Variants in RBPJ observed in about 807,000 individuals in gnomAD.
The protein encoded by RBPJ is recombination signal binding protein for immunoglobulin kappa J region.
RBPJ carries 9 observed loss-of-function variants against 67.8 expected under a neutral mutation model. The ratio of observed to expected loss-of-function variants is 0.13; its 90% CI spans 0.08 to 0.23. RBPJ has a LOEUF of 0.23. RBPJ is among the 10% of genes least tolerant of loss of function. The pLI, the probability that RBPJ is intolerant of heterozygous loss-of-function variation, is 1.00. For synonymous variants in RBPJ, 198 were observed against 203.3 expected, an observed-to-expected ratio of 0.97 and a Z score of 0.22; for missense variants, 305 against 595.6, an observed-to-expected ratio of 0.51 and a Z score of 5.08.
chr4:26,410,729 C>T (rs1246423725), intron 3 of RBPJ, among the ~76,000 whole-genome samples: 1 of 152,150 alleles, frequency 6.6e-6, no homozygotes, highest in East Asian at 1.9e-4. Context: ...TCTGTTTAAC[C>T]TAATTTATTT....
chr4:26,320,640 C>T (rs933572860), upstream of RBPJ: 27 of 1,279,332 alleles, frequency 2.1e-5, 1 homozygote, highest in East Asian at 5.3e-5. Context: ...TTCTCCTCGG[C>T]CCCGCCTCCT....
chr4:26,244,190 T>C lies in RBPJ; in HGVS notation c.-167+80576T>C, dbSNP rs1284924256. ...ATATGTATACACATATATGTATACA[T>C]ATATGTGTCTATATATGTATACACA... On this transcript the variant is annotated intron_variant, in intron 1 of 4. Coordinates refer to the RBPJ transcript ENST00000512351. Among the ~76,000 whole-genome samples the C allele has an allele frequency of 3.9e-3, 530 of 137,540 alleles. 14 individuals are homozygous for C. Among genetic ancestry groups the C allele is most frequent in the African/African-American group, 0.014 (504 of 36,044 alleles). The allele number at this position is 137,540 out of a possible 152,430, so 90.2% of individuals were successfully genotyped here. A position where few individuals can be genotyped will look rare whatever the true frequency, so the allele number is the denominator to read the frequency against.
intron 2 of RBPJ, among the ~76,000 whole-genome samples, chr4:26,396,165 T>G (rs1220905031): frequency 6.6e-6 from 1 of 152,236 alleles, no homozygotes; most frequent in Non-Finnish European, 1.5e-5. Context: ...TAGGTAAATG[T>G]AAAATGAATT....
intron 1 of RBPJ, among the ~76,000 whole-genome samples, chr4:26,330,524 AAC>A (rs1339242209): frequency 6.6e-6 from 1 of 152,196 alleles, no homozygotes; most frequent in African/African-American, 2.4e-5. Context: ...TGGAATATGA[AAC>A]ACATATCATA....
intron 1 of RBPJ, among the ~76,000 whole-genome samples, chr4:26,181,602 C>G (rs1338568202): frequency 6.6e-6 from 1 of 152,150 alleles, no homozygotes; most frequent in African/African-American, 2.4e-5. Context: ...AGTGTACTTA[C>G]ACAAACCTAG....
the RBPJ span, among the ~76,000 whole-genome samples, chr4:26,156,707 G>A: frequency 9.9e-5 from 15 of 151,784 alleles, no homozygotes; most frequent in African/African-American, 2.7e-4. Flanking sequence ...CATCCACGTC[G>A]GCCTCCCAAA....
chr4:26,258,223 G>A (rs949683212), intron 1 of RBPJ, among the ~76,000 whole-genome samples: 6 of 152,172 alleles, frequency 3.9e-5, no homozygotes, highest in African/African-American at 9.7e-5. Flanking sequence ...TGGCATCTCT[G>A]CTTATTTCCT....
At chr4:26,135,676 T>C in the RBPJ span, among the ~76,000 whole-genome samples, 4 of 152,100 alleles carry the variant, frequency 2.6e-5, no homozygotes, top group East Asian at 7.7e-4. Context: ...TGGCTAGGTA[T>C]TGAGGAAGAA....
At chr4:26,205,296 A>G (rs1275574806) in intron 1 of RBPJ, among the ~76,000 whole-genome samples, 1 of 152,162 alleles carries the variant, frequency 6.6e-6, no homozygotes, top group Non-Finnish European at 1.5e-5. Context: ...AGTATAGGAC[A>G]TTGCCTCACC....
chr4:26,115,546 A>G, the RBPJ span, among the ~76,000 whole-genome samples: 2 of 152,082 alleles, frequency 1.3e-5, no homozygotes, highest in African/African-American at 2.4e-5. Flanking sequence ...CACCACGTCC[A>G]GCTAATTTTT....
intron 1 of RBPJ, among the ~76,000 whole-genome samples, chr4:26,198,279 A>G (rs1236616961): frequency 6.6e-6 from 1 of 151,952 alleles, no homozygotes; most frequent in Non-Finnish European, 1.5e-5. Flanking sequence ...CAAAAAAACA[A>G]AAAAACAAAA....
chr4:26,335,875 G>A (rs960946549), intron 1 of RBPJ, among the ~76,000 whole-genome samples: 2 of 151,582 alleles, frequency 1.3e-5, no homozygotes, highest in African/African-American at 4.9e-5. Context: ...CACCCGCCTC[G>A]GCCTCCCAAA....
chr4:26,299,863 G>A (rs984922780), intron 1 of RBPJ, among the ~76,000 whole-genome samples: 4 of 150,758 alleles, frequency 2.7e-5, no homozygotes, highest in African/African-American at 9.7e-5. Flanking sequence ...TTTTGTTTTC[G>A]TATTTTTAGT....
intron 2 of RBPJ, among the ~76,000 whole-genome samples, chr4:26,395,341 A>G (rs1000313602): frequency 2.0e-5 from 3 of 152,118 alleles, no homozygotes; most frequent in African/African-American, 7.2e-5. Flanking sequence ...TCCTAGCTAC[A>G]TGGAAGGCTA....
At chr4:26,170,537 C>A (rs1716537408) in intron 1 of RBPJ, among the ~76,000 whole-genome samples, 1 of 112,736 alleles carries the variant, frequency 8.9e-6, no homozygotes, top group African/African-American at 3.3e-5. Context: ...GAGTAAGGCC[C>A]TGTCTAAAAA....
At position 26,354,178 on chromosome 4, in the gene RBPJ, G is replaced by A. The variant is rs536925043; in HGVS notation, c.21-32175G>A. Among the ~76,000 whole-genome samples the A allele has an allele frequency of 2.2e-3, 336 of 151,792 alleles. 1 individual carries two copies. The highest frequency in any genetic ancestry group is 7.7e-3 in the African/African-American group (319 of 41,242). On this transcript the variant is annotated intron_variant, in intron 1 of 10. Coordinates refer to ENST00000355476, the MANE Select transcript of RBPJ (RefSeq NM_015874.6). ...GATCTCCTGACCTCGTGATCCACCC[G>A]CCTCGGCCTCCCAAAGTGCTGGGAT...
intron 1 of RBPJ, among the ~76,000 whole-genome samples, chr4:26,372,452 T>C (rs1386962317): frequency 6.6e-6 from 1 of 152,244 alleles, no homozygotes; most frequent in Non-Finnish European, 1.5e-5. Flanking sequence ...GTAGGGCGAT[T>C]GACTAGACAG....
At chr4:26,325,488 TA>T (rs1373607060) in intron 1 of RBPJ, among the ~76,000 whole-genome samples, 1 of 152,192 alleles carries the variant, frequency 6.6e-6, no homozygotes, top group Non-Finnish European at 1.5e-5. Flanking sequence ...CTCTGGCACT[TA>T]AAACCCCTGC....
At chr4:26,316,825 G>C (rs10939106), upstream of RBPJ, among the ~76,000 whole-genome samples, 56,620 of 89,388 alleles carry the variant, frequency 0.63, 19,166 homozygotes, top group East Asian at 0.7. Flanking sequence ...TAACCCAGAC[G>C]ACTTTTTTTT....
Sources: gnomAD v4.1 joint callset for allele counts (sites outside exome capture counted in the v4.1 genomes callset) on GRCh38, gnomAD v4.1.1 for gene constraint, MANE v1.5 for transcripts, NCBI Gene and HGNC (gene_info 2026-07-23, HGNC 2026-07-21) for gene names.